The following HIBADH variants were observed in gnomAD, a reference collection of about 807,000 sequenced individuals.
HIBADH encodes the protein 3-hydroxyisobutyrate dehydrogenase, mitochondrial.
HIBADH carries 25 observed loss-of-function variants against 36.1 expected under a neutral mutation model. The ratio of observed to expected loss-of-function variants is 0.69; its 90% CI spans 0.50 to 0.97. The LOEUF (loss-of-function observed/expected upper bound fraction) is 0.97. HIBADH is among the 50% of genes least tolerant of loss of function. The probability of loss-of-function intolerance (pLI) is 0.00; values close to 1 mark genes in which losing one functional copy is unlikely to be tolerated. For missense variants in HIBADH, 421 were observed against 418.0 expected, an observed-to-expected ratio of 1.01 and a Z score of -0.06; for synonymous variants, 160 against 149.5, an observed-to-expected ratio of 1.07 and a Z score of -0.51.
At chr7:27,606,763 A>C (rs1404629203) in intron 4 of HIBADH, among the ~76,000 whole-genome samples, 1 of 152,272 alleles carries the variant, frequency 6.6e-6, no homozygotes, top group Non-Finnish European at 1.5e-5. Flanking sequence ...GTAATAATAT[A>C]AACTAATTAA....
chr7:27,621,740 C>T (rs1214401802), intron 4 of HIBADH, among the ~76,000 whole-genome samples: 3 of 152,006 alleles, frequency 2.0e-5, no homozygotes, highest in Admixed American at 1.3e-4. Context: ...TGCAGTGAGC[C>T]GGGATGGCAC....
At position 27,620,950 on chromosome 7, in the gene HIBADH, T is replaced by TA. The variant is rs542169673; in HGVS notation, c.484+8420dup. 5.3e-3 allele frequency among the ~76,000 whole-genome samples: 776 copies of TA among 145,858 alleles called. 6 individuals carry two copies. Among genetic ancestry groups the TA allele is most frequent in the African/African-American group, 0.017 (693 of 39,966 alleles). On this transcript the variant is annotated intron_variant, in intron 4 of 7. Coordinates refer to ENST00000265395, the MANE Select transcript of HIBADH (RefSeq NM_152740.4). ...AAGATACATAAAGGTTGAATGGATT[T>TA]AAAAAAAAAAACAATCCAACTGCTT...
At chr7:27,633,549 C>T (rs1456123445) in intron 2 of HIBADH, among the ~76,000 whole-genome samples, 2 of 152,036 alleles carry the variant, frequency 1.3e-5, no homozygotes, top group Non-Finnish European at 1.5e-5. Context: ...GTCCCAGCTC[C>T]TTGGGAGGCT....
chr7:27,613,784 G>A (rs1363331507), intron 4 of HIBADH, among the ~76,000 whole-genome samples: 6 of 151,294 alleles, frequency 4.0e-5, no homozygotes, highest in Middle Eastern at 3.4e-3. Context: ...TCAGCCTCCC[G>A]AGTAGCTGGG....
chr7:27,569,481 G>A (rs1672838954), intron 4 of HIBADH, among the ~76,000 whole-genome samples: 1 of 152,138 alleles, frequency 6.6e-6, no homozygotes, highest in Admixed American at 6.6e-5. Flanking sequence ...ATGTGCATCA[G>A]CCAGGAGCCA....
chr7:27,542,557 TC>T (rs1373556492), intron 5 of HIBADH, among the ~76,000 whole-genome samples: 1 of 144,258 alleles, frequency 6.9e-6, no homozygotes, highest in Non-Finnish European at 1.5e-5. Context: ...GCTCAGGTGA[TC>T]CCCCCACCTC....
chr7:27,606,098 C>CGTAAA (rs1163247670), intron 4 of HIBADH, among the ~76,000 whole-genome samples: 1 of 12,148 alleles, frequency 8.2e-5, no homozygotes, highest in Non-Finnish European at 1.2e-4. Flanking sequence ...ATTTAAACAT[C>CGTAAA]ATAAAACATT....
intron 4 of HIBADH, among the ~76,000 whole-genome samples, chr7:27,580,153 G>T (rs1467794914): frequency 1.3e-5 from 2 of 152,156 alleles, no homozygotes; most frequent in African/African-American, 4.8e-5. Context: ...TTTAATGAAA[G>T]AAATGCAATC....
At chr7:27,533,515 A>T (rs1784030761) in intron 6 of HIBADH, among the ~76,000 whole-genome samples, 1 of 152,084 alleles carries the variant, frequency 6.6e-6, no homozygotes, top group African/African-American at 2.4e-5. Context: ...AAAAAGAGCA[A>T]GTTAGAAGTG....
At chr7:27,595,038 G>A (rs1313456846) in intron 4 of HIBADH, among the ~76,000 whole-genome samples, 3 of 152,138 alleles carry the variant, frequency 2.0e-5, no homozygotes, top group African/African-American at 7.2e-5. Context: ...CTTAGTGACA[G>A]TAAACCTTTT....
intron 4 of HIBADH, among the ~76,000 whole-genome samples, chr7:27,603,552 C>T (rs1524525): frequency 0.2 from 31,016 of 151,960 alleles, 4,125 homozygotes; most frequent in East Asian, 0.51. Context: ...TACTAAAAAT[C>T]TAGTATTAAA....
At chr7:27,570,785 C>G (rs1784616720) in intron 4 of HIBADH, among the ~76,000 whole-genome samples, 1 of 142,768 alleles carries the variant, frequency 7.0e-6, no homozygotes. Context: ...TTTTTCCCAG[C>G]TGCTTTACAC....
rs762685685 is a variant in HIBADH at position 27,645,368 on chromosome 7, A to ATTTTTTTTTTTT, written c.252+4093_252+4104dup. ...CTAGTGGGTGTGTCTCATGGTTTTG[A>ATTTTTTTTTTTT]TTTTTTTTTTTTTTTTTTTTTTTTT... is the stretch of plus-strand genomic sequence containing the variant. On this transcript the variant is annotated intron_variant, in intron 2 of 7. Coordinates refer to ENST00000265395, the MANE Select transcript of HIBADH (RefSeq NM_152740.4). Among the ~76,000 whole-genome samples the ATTTTTTTTTTTT allele has an allele frequency of 2.2e-3, 132 of 59,606 alleles. 25 individuals carry two copies. The highest frequency in any genetic ancestry group is 3.2e-3 in the Non-Finnish European group (102 of 31,760). The allele number at this position is 59,606 out of a possible 152,430, so 39.1% of individuals were successfully genotyped here. A position where few individuals can be genotyped will look rare whatever the true frequency, so the allele number is the denominator to read the frequency against.
chr7:27,633,614 G>A (rs1003502572), intron 2 of HIBADH, among the ~76,000 whole-genome samples: 10 of 151,968 alleles, frequency 6.6e-5, no homozygotes, highest in Non-Finnish European at 1.2e-4. Flanking sequence ...AGCTATGATC[G>A]CGCCACCATA....
chr7:27,609,434 ACTT>A (rs1785286652), intron 4 of HIBADH, among the ~76,000 whole-genome samples: 1 of 152,364 alleles, frequency 6.6e-6, no homozygotes, highest in Admixed American at 6.5e-5. Context: ...TTTCTGAACT[ACTT>A]GTGCAAACTG....
chr7:27,648,911 G>A (rs1327765051), intron 2 of HIBADH, among the ~76,000 whole-genome samples: 1 of 152,090 alleles, frequency 6.6e-6, no homozygotes, highest in Non-Finnish European at 1.5e-5. Context: ...TATTCACAAA[G>A]TGCTGCCATA....
chr7:27,653,890 T>G (rs950329496), intron 1 of HIBADH, among the ~76,000 whole-genome samples: 1 of 152,190 alleles, frequency 6.6e-6, no homozygotes, highest in African/African-American at 2.4e-5. Flanking sequence ...AAGGCCAAAG[T>G]TGAACCTCTC....
chr7:27,653,967 T>C (rs1786248216), intron 1 of HIBADH, among the ~76,000 whole-genome samples: 1 of 152,162 alleles, frequency 6.6e-6, no homozygotes, highest in Non-Finnish European at 1.5e-5. Flanking sequence ...CTGAAACAGA[T>C]GTTAGAATTA....
At chr7:27,526,610 C>T (rs75527285) in intron 7 of HIBADH, among the ~76,000 whole-genome samples, 4,454 of 152,152 alleles carry the variant, frequency 0.029, 199 homozygotes, top group African/African-American at 0.1. Flanking sequence ...TCCACAATAC[C>T]TGTTTGTTTT....
Sources: gnomAD v4.1 joint callset for allele counts (sites outside exome capture counted in the v4.1 genomes callset) on GRCh38, gnomAD v4.1.1 for gene constraint, MANE v1.5 for transcripts, NCBI Gene and HGNC (gene_info 2026-07-23, HGNC 2026-07-21) for gene names.